The following PLCH1 variants were observed in gnomAD, a reference collection of about 807,000 sequenced individuals.
The protein encoded by PLCH1 is phospholipase C eta 1, also known as 1-phosphatidylinositol 4,5-bisphosphate phosphodiesterase eta-1.
A neutral mutation model predicts 126.7 loss-of-function variants in PLCH1; 60 were observed. The ratio of observed to expected loss-of-function variants is 0.47; its 90% confidence interval spans 0.38 to 0.59. The LOEUF is 0.59. Among genes scored for constraint, PLCH1 ranks in the 20% least tolerant of loss-of-function variants. The pLI is 0.00. For synonymous variants in PLCH1, 719 were observed against 734.9 expected (o/e 0.98, Z 0.35); for missense variants, 1,723 against 2,040.0 (o/e 0.84, Z 2.99).
rs377490566 is a variant in PLCH1 at position 155,657,048 on chromosome 3, A to G, written c.79+47098T>C. ...TTCTCATATATGAGTAACAACAAGG[A>G]CAAGTTTAAAAAAAAAAAAAAAAAG... On this transcript the variant is annotated intron_variant, in intron 2 of 22. Transcript: ENST00000460012. Among the ~76,000 whole-genome samples the G allele has an allele frequency of 1.7e-4, 25 of 148,224 alleles. No individual in the cohort carries two copies. In the East Asian group the frequency reaches 4.5e-3, roughly 27 times the overall value.
chr3:155,730,282 GT>G (rs57900643), intron 1 of PLCH1, among the ~76,000 whole-genome samples: 2,673 of 148,018 alleles, frequency 0.018, 29 homozygotes, highest in South Asian at 0.04. Flanking sequence ...AAAATGATTA[GT>G]TTTTTTTTTT....
chr3:155,580,380 A>T (rs1730516992), intron 6 of PLCH1, among the ~76,000 whole-genome samples: 1 of 152,200 alleles, frequency 6.6e-6, no homozygotes. Context: ...CTCACATTTA[A>T]AAAATTCAAA....
At chr3:155,719,187 T>C (rs191761999) in intron 1 of PLCH1, among the ~76,000 whole-genome samples, 1 of 152,136 alleles carries the variant, frequency 6.6e-6, no homozygotes, top group African/African-American at 2.4e-5. Context: ...TTCCCCTGAG[T>C]CCCCAAAGTC....
intron 6 of PLCH1, among the ~76,000 whole-genome samples, chr3:155,577,480 C>T (rs531989102): frequency 2.0e-5 from 3 of 152,068 alleles, no homozygotes; most frequent in African/African-American, 7.2e-5. Context: ...CTACTCTGCC[C>T]TTTAATTTTG....
chr3:155,605,391 AT>A (rs1448136456), intron 2 of PLCH1, among the ~76,000 whole-genome samples: 1 of 152,248 alleles, frequency 6.6e-6, no homozygotes, highest in African/African-American at 2.4e-5. Context: ...ATTTTAAAAA[AT>A]AAAAAAATAA....
chr3:155,473,620 A>C (rs1446738019), intron 21 of PLCH1, among the ~76,000 whole-genome samples: 34 of 151,396 alleles, frequency 2.2e-4, no homozygotes, highest in East Asian at 1.6e-3. Flanking sequence ...ATCGCCAAGG[A>C]AATCCTAAGC....
intron 2 of PLCH1, among the ~76,000 whole-genome samples, chr3:155,679,140 A>G (rs746984305): frequency 9.8e-5 from 15 of 152,352 alleles, no homozygotes; most frequent in Non-Finnish European, 1.5e-4. Context: ...GTCATATAAA[A>G]CAAGACACCC....
chr3:155,542,439 G>A (rs928271525), intron 10 of PLCH1, among the ~76,000 whole-genome samples: 22 of 152,178 alleles, frequency 1.4e-4, no homozygotes, highest in Admixed American at 4.6e-4. Flanking sequence ...GCCTCTGTAG[G>A]CTCCACCTCT....
At chr3:155,494,597 G>T in intron 15 of PLCH1, 80 bp from the exon 16 acceptor site, 1 of 1,136,524 alleles carries the variant, frequency 8.8e-7, no homozygotes, top group Non-Finnish European at 1.3e-6. Flanking sequence ...TTATAATAAT[G>T]TCAGATTATA....
At chr3:155,460,937 T>A (rs1712702131) in intron 21 of PLCH1, among the ~76,000 whole-genome samples, 1 of 152,188 alleles carries the variant, frequency 6.6e-6, no homozygotes. Flanking sequence ...TTTAAGAGTA[T>A]ACCAGTCTAA....
chr3:155,643,854 C>T (rs1739694958), intron 2 of PLCH1, among the ~76,000 whole-genome samples: 1 of 152,164 alleles, frequency 6.6e-6, no homozygotes, highest in African/African-American at 2.4e-5. Flanking sequence ...GAGTGGCAAC[C>T]AAGTGCTTCG....
At chr3:155,503,809 A>G (rs1718261563) in intron 13 of PLCH1, among the ~76,000 whole-genome samples, 2 of 152,256 alleles carry the variant, frequency 1.3e-5, no homozygotes, top group South Asian at 4.1e-4. Flanking sequence ...AAGTGCTGGG[A>G]TTACAGGTGT....
At chr3:155,606,308 C>T (rs891826330) in intron 2 of PLCH1, among the ~76,000 whole-genome samples, 1 of 152,032 alleles carries the variant, frequency 6.6e-6, no homozygotes, top group African/African-American at 2.4e-5. Context: ...AGGAGGAGAC[C>T]CCGTTTTAGG....
chr3:155,693,851 AC>A (rs1322995218), intron 2 of PLCH1, among the ~76,000 whole-genome samples: 2 of 151,990 alleles, frequency 1.3e-5, no homozygotes, highest in Admixed American at 1.3e-4. Flanking sequence ...AATCACTTGA[AC>A]CCGGGAGGCA....
chr3:155,625,451 C>A (rs1337718901), intron 2 of PLCH1, among the ~76,000 whole-genome samples: 1 of 152,056 alleles, frequency 6.6e-6, no homozygotes, highest in Non-Finnish European at 1.5e-5. Context: ...TCAGAATGAA[C>A]AAGCAACCTA....
chr3:155,615,384 T>C (rs969856719), intron 2 of PLCH1, among the ~76,000 whole-genome samples: 1 of 152,066 alleles, frequency 6.6e-6, no homozygotes, highest in African/African-American at 2.4e-5. Flanking sequence ...GGAGATTCCT[T>C]AAAGAACAAA....
At chr3:155,667,590 A>G (rs1345997737) in intron 2 of PLCH1, among the ~76,000 whole-genome samples, 1 of 152,172 alleles carries the variant, frequency 6.6e-6, no homozygotes, top group African/African-American at 2.4e-5. Flanking sequence ...AAAAATAATA[A>G]CTAGAAACCA....
At chr3:155,589,371 T>C (rs1731804675) in intron 4 of PLCH1, among the ~76,000 whole-genome samples, 1 of 152,176 alleles carries the variant, frequency 6.6e-6, no homozygotes, top group South Asian at 2.1e-4. Context: ...ATAAAACCTT[T>C]ATTAAAATTT....
chr3:155,713,302 C>T (rs1160772992), intron 1 of PLCH1, among the ~76,000 whole-genome samples: 2 of 152,112 alleles, frequency 1.3e-5, no homozygotes, highest in East Asian at 3.9e-4. Flanking sequence ...ATTACTTATT[C>T]AAAAAATGCA....
Sources: allele counts gnomAD v4.1 joint callset (sites outside exome capture counted in the v4.1 genomes callset), GRCh38; gene constraint gnomAD v4.1.1; transcripts MANE v1.5; gene names NCBI Gene and HGNC (gene_info 2026-07-23, HGNC 2026-07-21).